The following COL25A1 variants were observed in gnomAD, a reference collection of about 807,000 sequenced individuals.
COL25A1 encodes collagen alpha-1(XXV) chain.
In COL25A1, 103 loss-of-function variants were observed where a neutral mutation model predicts 128.4. The ratio of observed to expected loss-of-function variants is 0.80; its 90% confidence interval spans 0.68 to 0.94. The LOEUF (loss-of-function observed/expected upper bound fraction) is 0.94, where lower values mean the gene tolerates loss of function less well. COL25A1 is among the 40% of genes least tolerant of loss of function. The pLI, the probability that COL25A1 is intolerant of heterozygous loss-of-function variation, is 0.00. For synonymous variants in COL25A1, 279 were observed against 277.2 expected, an observed-to-expected ratio of 1.01 and a Z score of -0.06; for missense variants, 745 against 840.0, an observed-to-expected ratio of 0.89 and a Z score of 1.40.
At chr4:108,827,331 A>G (rs1404693449) in intron 32 of COL25A1, 143 bp from the exon 33 acceptor site, 4 of 715,646 alleles carry the variant, frequency 5.6e-6, no homozygotes, top group Non-Finnish European at 9.8e-6. Context: ...AGTCACTGCC[A>G]GTGATATTTG....
At chr4:109,013,876 G>C (rs1023537287) in intron 5 of COL25A1, among the ~76,000 whole-genome samples, 1 of 152,150 alleles carries the variant, frequency 6.6e-6, no homozygotes, top group African/African-American at 2.4e-5. Context: ...AAGTCAGTGA[G>C]ACCAAGAGCC....
At chr4:108,836,444 C>T (rs1210739560) in intron 31 of COL25A1, among the ~76,000 whole-genome samples, 1 of 152,124 alleles carries the variant, frequency 6.6e-6, no homozygotes, top group Non-Finnish European at 1.5e-5. Flanking sequence ...CAGCTATAAT[C>T]CCAGAGCTTT....
intron 5 of COL25A1, among the ~76,000 whole-genome samples, chr4:109,028,499 G>A (rs983305636): frequency 2.0e-5 from 3 of 152,136 alleles, no homozygotes; most frequent in Non-Finnish European, 2.9e-5. Flanking sequence ...GGCAAAGGCA[G>A]GCAGATCACA....
chr4:108,863,681 G>A (rs556964790), intron 20 of COL25A1, among the ~76,000 whole-genome samples: 27 of 152,348 alleles, frequency 1.8e-4, no homozygotes, highest in Admixed American at 7.2e-4. Flanking sequence ...TGGCAGGTGA[G>A]TCTGTTGACT....
chr4:109,029,705 G>A (rs909983906), intron 5 of COL25A1, among the ~76,000 whole-genome samples: 6 of 152,040 alleles, frequency 3.9e-5, no homozygotes, highest in African/African-American at 1.2e-4. Flanking sequence ...GGAACATATC[G>A]CCTTGGACAA....
chr4:109,195,281 T>G (rs1356794293), intron 3 of COL25A1, among the ~76,000 whole-genome samples: 1 of 152,198 alleles, frequency 6.6e-6, no homozygotes. Context: ...GAGCCCAATC[T>G]AGATCTGCTG....
chr4:109,242,491 A>G (rs903495659), intron 3 of COL25A1, among the ~76,000 whole-genome samples: 1 of 152,096 alleles, frequency 6.6e-6, no homozygotes, highest in African/African-American at 2.4e-5. Flanking sequence ...ACTGGCCAAC[A>G]GTAGTGTTCT....
chr4:108,847,451 A>G (rs74626555), intron 27 of COL25A1, among the ~76,000 whole-genome samples: 11,853 of 152,124 alleles, frequency 0.078, 598 homozygotes, highest in African/African-American at 0.14. Flanking sequence ...GAATTACCCA[A>G]TGGGTAAGTA....
At chr4:109,264,380 A>G (rs1450546469) in intron 3 of COL25A1, among the ~76,000 whole-genome samples, 1 of 152,230 alleles carries the variant, frequency 6.6e-6, no homozygotes, top group Admixed American at 6.5e-5. Context: ...CGTGGAGAAC[A>G]TACTGGAGAA....
chr4:109,127,802 G>A (rs1442662481), intron 3 of COL25A1, among the ~76,000 whole-genome samples: 1 of 152,162 alleles, frequency 6.6e-6, no homozygotes, highest in African/African-American at 2.4e-5. Context: ...CCCCAGACAA[G>A]GACGCTGCTT....
rs1277976291 is a variant in COL25A1 at position 108,834,357 on chromosome 4, G to A, written c.1657-1924C>T. The A allele has an allele frequency of 2.4e-5, 37 of 1,550,356 alleles. No individual in the cohort carries two copies. In the Admixed American group the frequency reaches 3.3e-4, roughly 14 times the overall value. On this transcript the variant is annotated intron_variant, in intron 31 of 37. Coordinates refer to ENST00000399132, the MANE Select transcript of COL25A1 (RefSeq NM_198721.4). ...AGCAAGACAAGGGACTGACTCACCC[G>A]GGATCCTGGCTTTCCGTCTAAGCCA...
chr4:109,276,984 G>A (rs1029972622), intron 3 of COL25A1, among the ~76,000 whole-genome samples: 4 of 152,032 alleles, frequency 2.6e-5, no homozygotes, highest in Admixed American at 6.6e-5. Context: ...ATTCTCTTCT[G>A]CTGTTATTCC....
chr4:109,097,895 C>T (rs1394049621), intron 3 of COL25A1, among the ~76,000 whole-genome samples: 3 of 151,858 alleles, frequency 2.0e-5, no homozygotes, highest in Non-Finnish European at 4.4e-5. Context: ...ATCTCTTGAC[C>T]TCATGATCCA....
intron 31 of COL25A1, among the ~76,000 whole-genome samples, chr4:108,833,445 A>C (rs1162205424): frequency 6.6e-6 from 1 of 152,208 alleles, no homozygotes; most frequent in African/African-American, 2.4e-5. Flanking sequence ...GTCCAGTGAA[A>C]ATAATGATTG....
intron 21 of COL25A1, 21 bp from the exon 22 acceptor site, chr4:108,862,566 G>T (rs199989010): frequency 2.4e-5 from 38 of 1,597,156 alleles, no homozygotes; most frequent in Non-Finnish European, 3.2e-5. Context: ...AGAATAAGAG[G>T]ATGAAAAAGA....
At position 108,811,533 on chromosome 4, in the gene COL25A1, G is replaced by C. The variant is rs1730792568; in HGVS notation, c.*2394C>G. ...CATTTCAATCCACCTCTTTCTACTA[G>C]AGGAGCAGAAAAAAAGATAGAAGGG... is the stretch of plus-strand genomic sequence containing the variant. On this transcript the variant is annotated 3_prime_UTR_variant, in exon 38 of 38. Coordinates refer to ENST00000399132, the MANE Select transcript of COL25A1 (RefSeq NM_198721.4). 1 of 152,012 alleles carries C rather than the reference G, an allele frequency of 6.6e-6. No homozygotes were observed. The highest frequency in any genetic ancestry group is 1.5e-5 in the Non-Finnish European group (1 of 67,960). 9.4% of individuals were successfully genotyped at this position (152,012 alleles called of 1,614,324 possible).
At chr4:109,189,441 G>C (rs535308845) in intron 3 of COL25A1, among the ~76,000 whole-genome samples, 5 of 150,886 alleles carry the variant, frequency 3.3e-5, no homozygotes, top group Admixed American at 1.3e-4. Context: ...CCAGCTACTC[G>C]GTAGGCTGAG....
intron 19 of COL25A1, among the ~76,000 whole-genome samples, chr4:108,873,369 G>A (rs1309057886): frequency 1.3e-5 from 2 of 152,126 alleles, no homozygotes; most frequent in African/African-American, 4.8e-5. Context: ...TCTTAATAGA[G>A]GATTCTGGCT....
At chr4:109,236,745 T>C (rs1270240129) in intron 3 of COL25A1, among the ~76,000 whole-genome samples, 5 of 152,096 alleles carry the variant, frequency 3.3e-5, no homozygotes, top group African/African-American at 7.2e-5. Context: ...AGAACATTTT[T>C]GATGCAATCT....
Sources: allele counts gnomAD v4.1 joint callset (sites outside exome capture counted in the v4.1 genomes callset), GRCh38; gene constraint gnomAD v4.1.1; transcripts MANE v1.5; gene names NCBI Gene and HGNC (gene_info 2026-07-23, HGNC 2026-07-21).